Variants in ADAMTS18 observed in about 807,000 individuals in gnomAD.
ADAMTS18 encodes ADAM metallopeptidase with thrombospondin type 1 motif 18, also known as A disintegrin and metalloproteinase with thrombospondin motifs 18.
Under a neutral mutation model 165.9 loss-of-function variants are expected in ADAMTS18, and 157 were observed. The observed-to-expected ratio is 0.95, with a 90% CI of 0.83 to 1.08. The LOEUF is 1.08. ADAMTS18 is among the 50% of genes least tolerant of loss of function. The probability of loss-of-function intolerance (pLI) is 0.00; values close to 1 mark genes in which losing one functional copy is unlikely to be tolerated. For synonymous variants in ADAMTS18, 782 were observed against 578.2 expected, an observed-to-expected ratio of 1.35 and a Z score of -5.06; for missense variants, 2,040 against 1,534.0, an observed-to-expected ratio of 1.33 and a Z score of -5.51.
chr16:77,289,996 T>TAAAG (rs2055331717), intron 21 of ADAMTS18, among the ~76,000 whole-genome samples: 1 of 152,218 alleles, frequency 6.6e-6, no homozygotes, highest in South Asian at 2.1e-4. Flanking sequence ...GAAAAATTTA[T>TAAAG]AAAGATACTT....
intron 3 of ADAMTS18, among the ~76,000 whole-genome samples, chr16:77,374,470 T>C (rs2056921513): frequency 2.0e-5 from 3 of 152,120 alleles, no homozygotes; most frequent in Admixed American, 2.0e-4. Flanking sequence ...AGGTCCCTCA[T>C]TCTCTGAGAA....
In ADAMTS18 at chr16:77,359,351, AG is replaced by A; in HGVS notation, c.1288del (p.Ala431ProfsTer14). ...TGACTCATGAGCGATGGTGAAGGCAAGGCCAAGTCCTGTGTCCTCATTGATG... is the reference window on the plus strand; with the variant it reads ...TGACTCATGAGCGATGGTGAAGGCAAGCCAAGTCCTGTGTCCTCATTGATG... ...CTINEDTGLG[L>X]AFTIAHESGH... On this transcript the variant is annotated frameshift_variant, in exon 8 of 23. Coordinates refer to ENST00000282849, the MANE Select transcript of ADAMTS18 (RefSeq NM_199355.4). LOFTEE classifies it high-confidence loss of function. 2 of 1,614,154 alleles carry A rather than the reference AG, an allele frequency of 1.2e-6. No homozygotes were observed. Among genetic ancestry groups the A allele is most frequent in the Non-Finnish European group, 1.7e-6 (2 of 1,180,030 alleles).
intron 3 of ADAMTS18, among the ~76,000 whole-genome samples, chr16:77,399,742 CTATTCAGGATGCAACCATGACTTA>C (rs1311627259): frequency 2.6e-5 from 4 of 152,126 alleles, no homozygotes; most frequent in East Asian, 1.9e-4. Context: ...TCAATAGCTA[CTATTCAGGATGCAACCATGACTTA>C]TATTCAGGAT....
intron 12 of ADAMTS18, among the ~76,000 whole-genome samples, chr16:77,335,480 G>C (rs1215304971): frequency 6.6e-6 from 1 of 151,704 alleles, no homozygotes; most frequent in Non-Finnish European, 1.5e-5. Context: ...AACTAAAACA[G>C]TGGAATGGGC....
At chr16:77,406,882 TA>T (rs1030879079) in intron 3 of ADAMTS18, among the ~76,000 whole-genome samples, 75 of 151,994 alleles carry the variant, frequency 4.9e-4, no homozygotes, top group African/African-American at 1.8e-3. Flanking sequence ...AAGGGGGAGC[TA>T]AACATTGGGT....
chr16:77,324,517 T>G (rs895801234), intron 13 of ADAMTS18, among the ~76,000 whole-genome samples: 1 of 152,194 alleles, frequency 6.6e-6, no homozygotes, highest in Non-Finnish European at 1.5e-5. Flanking sequence ...AAGCTCAAGA[T>G]AGACAAAGGC....
chr16:77,330,742 T>C (rs1415750126), intron 12 of ADAMTS18, among the ~76,000 whole-genome samples: 1 of 152,104 alleles, frequency 6.6e-6, no homozygotes, highest in Non-Finnish European at 1.5e-5. Context: ...AACTGGTAAA[T>C]CTATGAATCA....
At chr16:77,432,730 T>C (rs1367245970) in intron 2 of ADAMTS18, among the ~76,000 whole-genome samples, 1 of 151,642 alleles carries the variant, frequency 6.6e-6, no homozygotes, top group African/African-American at 2.4e-5. Context: ...GAGAAATTTC[T>C]CTTTTCCCTA....
At chr16:77,347,111 G>A (rs1033711034) in intron 10 of ADAMTS18, among the ~76,000 whole-genome samples, 1 of 152,174 alleles carries the variant, frequency 6.6e-6, no homozygotes, top group South Asian at 2.1e-4. Flanking sequence ...GTTTTTGTGT[G>A]TATCAATAGT....
At chr16:77,374,561 A>G (rs1336035894) in intron 3 of ADAMTS18, among the ~76,000 whole-genome samples, 1 of 152,052 alleles carries the variant, frequency 6.6e-6, no homozygotes, top group African/African-American at 2.4e-5. Context: ...GAATAGAAGG[A>G]AAAAAAAGTG....
chr16:77,407,242 A>T (rs11648857), intron 3 of ADAMTS18, among the ~76,000 whole-genome samples: 28,259 of 152,110 alleles, frequency 0.19, 3,183 homozygotes, highest in Non-Finnish European at 0.26. Flanking sequence ...TCCATTTTAA[A>T]TAGCATAAAA....
intron 3 of ADAMTS18, among the ~76,000 whole-genome samples, chr16:77,369,480 G>T (rs1205456031): frequency 6.6e-6 from 1 of 152,098 alleles, no homozygotes; most frequent in East Asian, 1.9e-4. Flanking sequence ...TAACGCCAAT[G>T]AATTTGAAAA....
intron 16 of ADAMTS18, among the ~76,000 whole-genome samples, chr16:77,311,710 T>TC (rs945224117): frequency 1.2e-3 from 188 of 151,814 alleles, no homozygotes; most frequent in African/African-American, 4.2e-3. Flanking sequence ...GTTTTCTTTT[T>TC]TTTTTGCTTT....
At chr16:77,369,003 T>C (rs967334499) in intron 3 of ADAMTS18, among the ~76,000 whole-genome samples, 4 of 152,236 alleles carry the variant, frequency 2.6e-5, no homozygotes, top group African/African-American at 4.8e-5. Context: ...CTATCTTCTC[T>C]AGATATCAGA....
Position 77,434,845 on chromosome 16 carries a change from G to A in ADAMTS18, c.-150C>T, listed in dbSNP as rs974100948. ...GCCGTTCACATCGCAGCGGGGGCGC[G>A]CTGGGACCTCCCCTCCTCCGGCCGC... On this transcript the variant is annotated 5_prime_UTR_variant, in exon 1 of 23. Coordinates refer to ENST00000282849, the MANE Select transcript of ADAMTS18 (RefSeq NM_199355.4). The A allele has an allele frequency of 1.2e-5, 7 of 583,496 alleles. No homozygotes were observed. The highest frequency in any genetic ancestry group is 3.9e-5 in the East Asian group (1 of 25,668). The allele number at this position is 583,496 out of a possible 1,614,324, so 36.1% of individuals were successfully genotyped here. A position where few individuals can be genotyped will look rare whatever the true frequency, so the allele number is the denominator to read the frequency against.
At chr16:77,302,982 C>A (rs1597097395) in intron 16 of ADAMTS18, among the ~76,000 whole-genome samples, 1 of 152,148 alleles carries the variant, frequency 6.6e-6, no homozygotes, top group East Asian at 1.9e-4. Flanking sequence ...CTCAAGCCAA[C>A]CATACAAAAT....
intron 12 of ADAMTS18, among the ~76,000 whole-genome samples, chr16:77,330,588 G>A (rs1384153115): frequency 6.6e-6 from 1 of 152,128 alleles, no homozygotes; most frequent in East Asian, 1.9e-4. Context: ...GAAGGACATT[G>A]GGAAGGTCCC....
At chr16:77,295,212 T>C (rs2055446170) in intron 18 of ADAMTS18, 85 bp from the exon 19 acceptor site, 1 of 1,387,664 alleles carries the variant, frequency 7.2e-7, no homozygotes, top group African/African-American at 1.4e-5. Flanking sequence ...GTAAACCACC[T>C]ATGGAAGCCA....
intron 3 of ADAMTS18, among the ~76,000 whole-genome samples, chr16:77,409,212 C>G (rs1334070423): frequency 2.0e-5 from 3 of 151,956 alleles, no homozygotes; most frequent in Non-Finnish European, 4.4e-5. Flanking sequence ...TATGCTATTT[C>G]CATTAATTAT....
Sources: gnomAD v4.1 joint callset for allele counts (sites outside exome capture counted in the v4.1 genomes callset) on GRCh38, gnomAD v4.1.1 for gene constraint, MANE v1.5 for transcripts, NCBI Gene and HGNC (gene_info 2026-07-23, HGNC 2026-07-21) for gene names.